LRRC37A2: variants seen among roughly 807,000 people sequenced by gnomAD.
The protein encoded by LRRC37A2 is leucine-rich repeat-containing protein 37A2.
A neutral mutation model predicts 68.8 loss-of-function variants in LRRC37A2; 9 were observed. The observed-to-expected ratio is 0.13, with a 90% CI of 0.08 to 0.23. The LOEUF is 0.23. Ranked by LOEUF, LRRC37A2 falls within the 10% of genes least tolerant of loss-of-function variation. LRRC37A2 has a pLI of 1.00. For missense variants in LRRC37A2, 168 were observed against 950.4 expected, an observed-to-expected ratio of 0.18 and a Z score of 10.82; for synonymous variants, 63 against 367.6, an observed-to-expected ratio of 0.17 and a Z score of 9.48.
chr17:46,779,099 A>ACCCCCC, the LRRC37A2 span, among the ~76,000 whole-genome samples: 1 of 128,644 alleles, frequency 7.8e-6, no homozygotes, highest in East Asian at 3.1e-4. Context: ...ACACACACAC[A>ACCCCCC]CACACCCCAG....
the LRRC37A2 span, chr17:46,755,628 GC>G: frequency 1.4e-6 from 1 of 718,032 alleles, no homozygotes; most frequent in Non-Finnish European, 2.3e-6. Context: ...GCTTTTACAT[GC>G]ATGGAGCTGT....
the LRRC37A2 span, among the ~76,000 whole-genome samples, chr17:46,982,378 G>A: frequency 6.6e-6 from 1 of 152,230 alleles, no homozygotes; most frequent in Admixed American, 6.5e-5. Context: ...GAGTGAGGAT[G>A]CAGAATGGGG....
At chr17:46,901,911 A>T in the LRRC37A2 span, among the ~76,000 whole-genome samples, 1 of 148,100 alleles carries the variant, frequency 6.8e-6, no homozygotes, top group East Asian at 2.0e-4. Context: ...GGTTTCAGTG[A>T]TTCTCCCTGC....
At chr17:46,910,609 G>C in the LRRC37A2 span, among the ~76,000 whole-genome samples, 2 of 152,224 alleles carry the variant, frequency 1.3e-5, no homozygotes, top group Admixed American at 6.5e-5. Context: ...CCTGGAGACT[G>C]ATTATGTGTG....
the LRRC37A2 span, among the ~76,000 whole-genome samples, chr17:46,474,157 T>C: frequency 9.6e-6 from 1 of 103,678 alleles, no homozygotes; most frequent in African/African-American, 3.5e-5. Context: ...TCAGGTGATT[T>C]TCCTGCCTCA....
At chr17:46,960,217 A>G in the LRRC37A2 span, among the ~76,000 whole-genome samples, 3 of 152,242 alleles carry the variant, frequency 2.0e-5, no homozygotes, top group Non-Finnish European at 2.9e-5. Flanking sequence ...ACTAAAGAAG[A>G]TATACAGATG....
chr17:46,860,606 G>A, the LRRC37A2 span, among the ~76,000 whole-genome samples: 3,726 of 152,264 alleles, frequency 0.024, 156 homozygotes, highest in African/African-American at 0.086. Context: ...TGTATATATA[G>A]GTATTCAAAT....
At chr17:46,958,044 C>T in the LRRC37A2 span, among the ~76,000 whole-genome samples, 20 of 152,306 alleles carry the variant, frequency 1.3e-4, no homozygotes, top group Non-Finnish European at 2.9e-5. Flanking sequence ...GTCTTTGCTG[C>T]CAAATGTCAC....
chr17:46,922,852 C>T, the LRRC37A2 span: 1 of 391,996 alleles, frequency 2.6e-6, no homozygotes, highest in South Asian at 3.3e-5. Context: ...ATGATAGCGG[C>T]TCGCCTTCAA....
chr17:46,837,414 G>T, the LRRC37A2 span, among the ~76,000 whole-genome samples: 1 of 152,156 alleles, frequency 6.6e-6, no homozygotes, highest in Non-Finnish European at 1.5e-5. Flanking sequence ...TGGGGGACTG[G>T]AGGGTGGGAC....
the LRRC37A2 span, among the ~76,000 whole-genome samples, chr17:46,721,097 G>C: frequency 8.5e-5 from 13 of 152,138 alleles, no homozygotes; most frequent in Non-Finnish European, 1.8e-4. Flanking sequence ...TAATCCCTGC[G>C]TGGCAGAGCC....
the LRRC37A2 span, among the ~76,000 whole-genome samples, chr17:47,025,058 C>T: frequency 1.3e-5 from 2 of 151,864 alleles, no homozygotes; most frequent in South Asian, 2.1e-4. Context: ...CGGTCTACAA[C>T]CAATAGATCC....
the LRRC37A2 span, among the ~76,000 whole-genome samples, chr17:46,997,925 G>C: frequency 6.7e-6 from 1 of 149,818 alleles, no homozygotes; most frequent in South Asian, 2.1e-4. Flanking sequence ...AGCTGAGATC[G>C]CACCACTGCA....
the LRRC37A2 span, among the ~76,000 whole-genome samples, chr17:47,046,133 C>T: frequency 3.7e-5 from 4 of 107,126 alleles, no homozygotes; most frequent in Non-Finnish European, 7.8e-5. Context: ...TCTACACCAG[C>T]CTGAGCAACA....
chr17:46,851,597 G>A, the LRRC37A2 span: 3 of 1,164,842 alleles, frequency 2.6e-6, no homozygotes, highest in Non-Finnish European at 3.2e-6. The surrounding 1 kb of genome is among the most constrained non-coding windows in gnomAD (Gnocchi z 4.3). Context: ...GCGAGCTTGA[G>A]CGGCGCGAGG....
the LRRC37A2 span, among the ~76,000 whole-genome samples, chr17:46,894,971 C>G: frequency 6.6e-6 from 1 of 152,218 alleles, no homozygotes; most frequent in African/African-American, 2.4e-5. Context: ...CGGGACGGGA[C>G]GTGCTCGCCT....
intron 8 of LRRC37A2, among the ~76,000 whole-genome samples, chr17:46,543,902 T>A (rs1198487720): frequency 3.4e-5 from 5 of 148,636 alleles, no homozygotes; most frequent in African/African-American, 5.2e-5. Flanking sequence ...GGGTTGCTTG[T>A]GCCCAGGAGT....
the LRRC37A2 span, chr17:46,968,718 A>C: frequency 6.6e-6 from 1 of 152,432 alleles, no homozygotes; most frequent in Admixed American, 6.5e-5. Flanking sequence ...GCACCTCTAC[A>C]ATGGCCATGC....
the LRRC37A2 span, among the ~76,000 whole-genome samples, chr17:46,893,941 G>C: frequency 6.6e-6 from 1 of 152,138 alleles, no homozygotes; most frequent in South Asian, 2.1e-4. Context: ...CACAAACAGT[G>C]ATGCTGAGCA....
Sources: allele counts gnomAD v4.1 joint callset (sites outside exome capture counted in the v4.1 genomes callset), GRCh38; gene constraint gnomAD v4.1.1; non-coding constraint Gnocchi (gnomAD v3.1); transcripts MANE v1.5; gene names NCBI Gene and HGNC (gene_info 2026-07-23, HGNC 2026-07-21).